CHODL: variants seen among roughly 807,000 people sequenced by gnomAD.
CHODL encodes chondrolectin.
In CHODL, 29 loss-of-function variants were observed where a neutral mutation model predicts 34.5. That is an observed-to-expected ratio of 0.84 (90% CI 0.63 to 1.15). The LOEUF is 1.15. Ranked by LOEUF, CHODL falls within the 50% of genes most tolerant of loss-of-function variation. The pLI, the probability that CHODL is intolerant of heterozygous loss-of-function variation, is 0.00. For missense variants in CHODL, 332 were observed against 332.5 expected, an observed-to-expected ratio of 1.00 and a Z score of 0.01; for synonymous variants, 125 against 116.1, an observed-to-expected ratio of 1.08 and a Z score of -0.49.
intron 2 of CHODL, among the ~76,000 whole-genome samples, chr21:18,178,428 A>G (rs560463264): frequency 5.2e-4 from 79 of 152,284 alleles, no homozygotes; most frequent in African/African-American, 1.4e-3. Context: ...ACAATGTGGT[A>G]TTCATTGCTG....
chr21:17,933,138 C>T lies in CHODL; in HGVS notation c.-145+15738C>T, dbSNP rs557770165. ...TTTTCCCCTATCTCAGTAGATGGAA[C>T]ATACAATCGGGTTTTACACTGAGAC... On this transcript the variant is annotated intron_variant, in intron 1 of 6. Transcript: ENST00000400127. Among the ~76,000 whole-genome samples the T allele has an allele frequency of 3.3e-5, 5 of 152,308 alleles. No individual in the cohort carries two copies. The East Asian group carries it at 9.6e-4, about 29-fold the overall frequency.
chr21:18,158,502 A>C (rs1427589690), intron 2 of CHODL, among the ~76,000 whole-genome samples: 1 of 152,186 alleles, frequency 6.6e-6, no homozygotes, highest in Non-Finnish European at 1.5e-5. Context: ...CATTTTACCT[A>C]TATTCTTAAG....
chr21:18,212,089 A>C (rs892771015), intron 2 of CHODL, among the ~76,000 whole-genome samples: 1 of 152,172 alleles, frequency 6.6e-6, no homozygotes, highest in Non-Finnish European at 1.5e-5. Flanking sequence ...TGGTCATTTA[A>C]TACATGCTTT....
In CHODL at chr21:18,257,124, C is replaced by A; in HGVS notation, c.544C>A (p.Pro182Thr). ...MKHNYICKYE[P>T]EINPTAPVEK... ...GCACAATTATATTTGCAAGTATGAA[C>A]CAGGTAAGCAGTAGCAAAAGAAGGT... Residue 182 changes from proline (P) to threonine (T), a missense_variant, in exon 3 of 6, where the codon CCA becomes ACA. By Grantham distance (38) the Pro-to-Thr change is conservative (BLOSUM62 -1). Coordinates refer to ENST00000299295, the MANE Select transcript of CHODL (RefSeq NM_024944.3). 6.2e-7 allele frequency: 1 copy of A among 1,608,104 alleles called. No homozygotes were observed. Among genetic ancestry groups the A allele is most frequent in the Non-Finnish European group, 8.5e-7 (1 of 1,177,250 alleles).
chr21:18,164,279 T>C (rs1021570509), intron 2 of CHODL, among the ~76,000 whole-genome samples: 31 of 152,184 alleles, frequency 2.0e-4, no homozygotes, highest in Non-Finnish European at 5.9e-5. Flanking sequence ...TCAGGAGGGA[T>C]TTAATTAAGA....
At chr21:17,952,899 T>C (rs997602399) in intron 1 of CHODL, among the ~76,000 whole-genome samples, 6 of 152,070 alleles carry the variant, frequency 3.9e-5, no homozygotes, top group African/African-American at 1.4e-4. Flanking sequence ...AAGGGACATC[T>C]TACATGGCAG....
intron 1 of CHODL, among the ~76,000 whole-genome samples, chr21:17,983,463 A>G (rs1203903826): frequency 2.0e-5 from 3 of 152,194 alleles, no homozygotes; most frequent in Non-Finnish European, 4.4e-5. Context: ...ACTTTCCTCA[A>G]GAATTCTTGT....
chr21:18,126,432 CTA>C (rs2065545356), intron 2 of CHODL, among the ~76,000 whole-genome samples: 1 of 152,110 alleles, frequency 6.6e-6, no homozygotes, highest in Non-Finnish European at 1.5e-5. Context: ...TGCTTTATTG[CTA>C]TATTCACTTT....
chr21:18,052,067 G>C (rs908342084), intron 2 of CHODL, among the ~76,000 whole-genome samples: 2 of 151,758 alleles, frequency 1.3e-5, no homozygotes, highest in Non-Finnish European at 2.9e-5. Flanking sequence ...TTTGTTTTGC[G>C]GGAAGGATTC....
At chr21:18,194,627 G>A (rs945522874) in intron 2 of CHODL, among the ~76,000 whole-genome samples, 5 of 149,772 alleles carry the variant, frequency 3.3e-5, no homozygotes, top group Admixed American at 2.0e-4. Flanking sequence ...AAACTAATGC[G>A]TATTTGACAA....
chr21:18,067,660 C>G (rs1002200333), intron 2 of CHODL, among the ~76,000 whole-genome samples: 4 of 152,348 alleles, frequency 2.6e-5, no homozygotes, highest in Admixed American at 2.6e-4. Context: ...TACTTAGTTA[C>G]AGCAGTTCTA....
At chr21:18,140,370 T>C (rs2072786444) in intron 2 of CHODL, among the ~76,000 whole-genome samples, 1 of 152,186 alleles carries the variant, frequency 6.6e-6, no homozygotes. Context: ...CCTTTCTATA[T>C]GATGTAATTT....
intron 2 of CHODL, among the ~76,000 whole-genome samples, chr21:18,146,812 G>A (rs553166004): frequency 6.6e-6 from 1 of 152,168 alleles, no homozygotes; most frequent in African/African-American, 2.4e-5. Context: ...GAATATTTTG[G>A]CATCCACTCT....
chr21:18,082,208 T>C (rs1173428856), intron 2 of CHODL, among the ~76,000 whole-genome samples: 2 of 152,162 alleles, frequency 1.3e-5, no homozygotes, highest in Admixed American at 1.3e-4. Flanking sequence ...TCACTCCCTC[T>C]TTCTCTCCTG....
intron 2 of CHODL, among the ~76,000 whole-genome samples, chr21:18,034,834 G>A (rs916290048): frequency 1.3e-4 from 19 of 151,998 alleles, no homozygotes; most frequent in Admixed American, 1.3e-4. Flanking sequence ...ATGAAAATTT[G>A]ACTTTAGGTA....
chr21:18,030,473 T>G (rs2064234971), intron 2 of CHODL, among the ~76,000 whole-genome samples: 1 of 152,148 alleles, frequency 6.6e-6, no homozygotes, highest in South Asian at 2.1e-4. Flanking sequence ...CCACAGAAAC[T>G]GATGTCATTA....
intron 2 of CHODL, among the ~76,000 whole-genome samples, chr21:18,073,083 A>T (rs1009563732): frequency 7.9e-5 from 12 of 152,146 alleles, no homozygotes; most frequent in African/African-American, 2.7e-4. Flanking sequence ...ATTACAAACC[A>T]TCTCAGTGAA....
At chr21:17,964,326 T>C (rs1286970783) in intron 1 of CHODL, among the ~76,000 whole-genome samples, 1 of 152,226 alleles carries the variant, frequency 6.6e-6, no homozygotes, top group African/African-American at 2.4e-5. Context: ...AATGAATTCA[T>C]ATACATAGAA....
chr21:17,977,138 C>T (rs116789221), intron 1 of CHODL, among the ~76,000 whole-genome samples: 35 of 152,240 alleles, frequency 2.3e-4, no homozygotes, highest in African/African-American at 8.4e-4. Flanking sequence ...TCATAACAAT[C>T]TTGTCAGAAA....
Sources: gnomAD v4.1 joint callset for allele counts (sites outside exome capture counted in the v4.1 genomes callset) on GRCh38, gnomAD v4.1.1 for gene constraint, MANE v1.5 for transcripts, NCBI Gene and HGNC (gene_info 2026-07-23, HGNC 2026-07-21) for gene names.